Variants in ARFGEF3 observed in about 807,000 individuals in gnomAD.
ARFGEF3 encodes ARFGEF family member 3, also known as brefeldin A-inhibited guanine nucleotide-exchange protein 3.
A neutral mutation model predicts 221.7 loss-of-function variants in ARFGEF3; 96 were observed. That is an observed-to-expected ratio of 0.43 (90% CI 0.37 to 0.51). The LOEUF (loss-of-function observed/expected upper bound fraction) is 0.51. Among genes scored for constraint, ARFGEF3 ranks in the 20% least tolerant of loss-of-function variants. The pLI is 0.00. For missense variants in ARFGEF3, 2,410 were observed against 2,789.9 expected, an observed-to-expected ratio of 0.86 and a Z score of 3.07; for synonymous variants, 1,145 against 1,126.8, an observed-to-expected ratio of 1.02 and a Z score of -0.32.
chr6:138,301,968 G>A (rs1242368698), intron 22 of ARFGEF3, among the ~76,000 whole-genome samples: 1 of 152,124 alleles, frequency 6.6e-6, no homozygotes, highest in Non-Finnish European at 1.5e-5. Flanking sequence ...TTAGTCTGTG[G>A]AATTCCAAGC....
At chr6:138,258,054 C>A (rs541334006) in intron 10 of ARFGEF3, among the ~76,000 whole-genome samples, 22 of 152,246 alleles carry the variant, frequency 1.4e-4, no homozygotes, top group African/African-American at 5.3e-4. Context: ...CATAAATCAC[C>A]ACTGTTAACA....
intron 10 of ARFGEF3, 90 bp from the exon 11 acceptor site, chr6:138,261,437 A>C (rs886688625): frequency 2.8e-6 from 2 of 704,374 alleles, no homozygotes; most frequent in African/African-American, 1.8e-5. Flanking sequence ...CAGTAGGGAA[A>C]GTACATGTTT....
intron 18 of ARFGEF3, among the ~76,000 whole-genome samples, chr6:138,290,653 G>T (rs142017587): frequency 1.3e-5 from 2 of 152,178 alleles, no homozygotes; most frequent in Non-Finnish European, 2.9e-5. Flanking sequence ...ACCCAGTACC[G>T]TGGAAGGAGC....
chr6:138,279,695 C>T (rs965831031), intron 13 of ARFGEF3, among the ~76,000 whole-genome samples: 3 of 152,218 alleles, frequency 2.0e-5, no homozygotes, highest in African/African-American at 4.8e-5. Flanking sequence ...AAAGGAAGCT[C>T]GTACGCTATT....
chr6:138,251,548 T>C (rs1269981095), intron 8 of ARFGEF3, among the ~76,000 whole-genome samples: 2 of 152,138 alleles, frequency 1.3e-5, no homozygotes, highest in Non-Finnish European at 2.9e-5. Context: ...TATCACTCTT[T>C]TACCTCCAGA....
chr6:138,301,080 A>G (rs973836627), intron 22 of ARFGEF3, among the ~76,000 whole-genome samples: 3 of 152,248 alleles, frequency 2.0e-5, no homozygotes, highest in African/African-American at 7.2e-5. Context: ...GAGTTATCAG[A>G]GACAGATTTT....
chr6:138,190,147 T>A (rs1295494242), intron 2 of ARFGEF3, among the ~76,000 whole-genome samples: 10 of 140,304 alleles, frequency 7.1e-5, no homozygotes, highest in East Asian at 4.5e-4. Context: ...AGAAAGGCAG[T>A]TCACTTGCTT....
In ARFGEF3 at chr6:138,312,713, TTTTG is replaced by T. The variant is rs369412915; in HGVS notation, c.4201-1065_4201-1062del. On this transcript the variant is annotated intron_variant, in intron 25 of 33. Transcript: ENST00000251691. Reference sequence around the variant, plus strand: ...CAATTCCTGCCAAGATCCCCCACTTTTTTGTTTGTTTGTTTGTTTGCACAGTTGC... The same window carrying T: ...CAATTCCTGCCAAGATCCCCCACTTTTTTGTTTGTTTGTTTGCACAGTTGC... Among the ~76,000 whole-genome samples, 732 of 152,162 alleles carry T rather than the reference TTTTG, an allele frequency of 4.8e-3. 8 individuals are homozygous for T. The highest frequency in any genetic ancestry group is 0.016 in the African/African-American group (651 of 41,510).
chr6:138,181,962 T>C (rs1481539068), intron 2 of ARFGEF3, among the ~76,000 whole-genome samples: 2 of 152,236 alleles, frequency 1.3e-5, no homozygotes, highest in African/African-American at 4.8e-5. Context: ...GTGATGTCAG[T>C]AGCTCCATAG....
intron 24 of ARFGEF3, among the ~76,000 whole-genome samples, chr6:138,309,896 C>A (rs1292521704): frequency 6.6e-6 from 1 of 152,116 alleles, no homozygotes; most frequent in Non-Finnish European, 1.5e-5. Context: ...GGTGGAGCTC[C>A]CTTACTCAGT....
At chr6:138,261,207 A>G (rs1324053569) in intron 10 of ARFGEF3, among the ~76,000 whole-genome samples, 1 of 152,230 alleles carries the variant, frequency 6.6e-6, no homozygotes, top group African/African-American at 2.4e-5. Context: ...AGGTTATATT[A>G]TAGGCCAATA....
intron 2 of ARFGEF3, among the ~76,000 whole-genome samples, chr6:138,175,315 G>T (rs1776919192): frequency 6.6e-6 from 1 of 152,118 alleles, no homozygotes; most frequent in Admixed American, 6.5e-5. Context: ...TTGATTTGGG[G>T]GTGAGTTTTA....
At chr6:138,306,941 T>C (rs1435471397) in intron 22 of ARFGEF3, among the ~76,000 whole-genome samples, 1 of 128,000 alleles carries the variant, frequency 7.8e-6, no homozygotes, top group African/African-American at 3.0e-5. Context: ...CTTGGGAATA[T>C]ATAAGGAACT....
chr6:138,175,544 A>G (rs1388213543), intron 2 of ARFGEF3, among the ~76,000 whole-genome samples: 1 of 152,180 alleles, frequency 6.6e-6, no homozygotes, highest in African/African-American at 2.4e-5. Flanking sequence ...TTTTTGCTTC[A>G]TAAGCAAAAG....
chr6:138,174,102 C>T (rs1482091360), intron 2 of ARFGEF3, among the ~76,000 whole-genome samples: 2 of 151,886 alleles, frequency 1.3e-5, no homozygotes, highest in Non-Finnish European at 2.9e-5. Flanking sequence ...TGAAGATATA[C>T]AAAACAGAAA....
chr6:138,277,094 C>G (rs1279647987), intron 12 of ARFGEF3, among the ~76,000 whole-genome samples: 1 of 152,174 alleles, frequency 6.6e-6, no homozygotes, highest in African/African-American at 2.4e-5. Context: ...CAGTGTTGTG[C>G]AAGCATTTCC....
intron 1 of ARFGEF3, among the ~76,000 whole-genome samples, chr6:138,168,804 G>A (rs954634307): frequency 1.3e-5 from 2 of 152,226 alleles, no homozygotes; most frequent in Non-Finnish European, 2.9e-5. Context: ...ACAGTCCACA[G>A]TAGGACCTCC....
intron 30 of ARFGEF3, 58 bp from the exon 31 acceptor site, chr6:138,323,964 GA>G: frequency 6.3e-7 from 1 of 1,593,258 alleles, no homozygotes; most frequent in Non-Finnish European, 8.6e-7. Context: ...TCAGATCCAA[GA>G]CTGAGCCCGG....
chr6:138,207,228 A>G (rs1777640702), intron 3 of ARFGEF3, 105 bp downstream of exon 3: 2 of 822,572 alleles, frequency 2.4e-6, no homozygotes, highest in Admixed American at 2.3e-5. Flanking sequence ...TTAAAGACTC[A>G]GGCAGAAATT....
Sources: allele counts gnomAD v4.1 joint callset (sites outside exome capture counted in the v4.1 genomes callset), GRCh38; gene constraint gnomAD v4.1.1; transcripts MANE v1.5; gene names NCBI Gene and HGNC (gene_info 2026-07-23, HGNC 2026-07-21).